RBM33: variants seen among roughly 807,000 people sequenced by gnomAD.
RBM33 encodes RNA-binding protein 33.
A neutral mutation model predicts 132.6 loss-of-function variants in RBM33; 28 were observed. That is an observed-to-expected ratio of 0.21 (90% confidence interval 0.16 to 0.29). The LOEUF (loss-of-function observed/expected upper bound fraction) is 0.29, where lower values mean the gene tolerates loss of function less well. RBM33 is among the 10% of genes least tolerant of loss of function. The pLI, the probability that RBM33 is intolerant of heterozygous loss-of-function variation, is 1.00. For synonymous variants in RBM33, 634 were observed against 593.0 expected (o/e 1.07, Z -1.01); for missense variants, 1,291 against 1,518.5 (o/e 0.85, Z 2.49).
chr7:155,715,143 A>T (rs991982592), intron 8 of RBM33, among the ~76,000 whole-genome samples: 4 of 152,082 alleles, frequency 2.6e-5, no homozygotes, highest in Non-Finnish European at 5.9e-5. Context: ...TGTGGTGCCT[A>T]CGTCTCCTGC....
chr7:155,717,368 C>G (rs1335518269), intron 8 of RBM33, among the ~76,000 whole-genome samples: 2 of 152,162 alleles, frequency 1.3e-5, no homozygotes, highest in Non-Finnish European at 2.9e-5. Flanking sequence ...TCTGTGTGTA[C>G]TGTCTATGTC....
At chr7:155,668,930 G>A (rs1798871501) in intron 2 of RBM33, among the ~76,000 whole-genome samples, 1 of 152,168 alleles carries the variant, frequency 6.6e-6, no homozygotes, top group African/African-American at 2.4e-5. Flanking sequence ...TTTGGCAGCT[G>A]TCTTGCTTTC....
intron 8 of RBM33, among the ~76,000 whole-genome samples, chr7:155,716,469 A>T (rs2116987010): frequency 6.6e-6 from 1 of 152,128 alleles, no homozygotes; most frequent in Admixed American, 6.5e-5. Flanking sequence ...CTGGTTAAAG[A>T]GGCTTAATGT....
chr7:155,684,721 G>T (rs1006189881), intron 5 of RBM33, among the ~76,000 whole-genome samples: 1 of 152,158 alleles, frequency 6.6e-6, no homozygotes, highest in Non-Finnish European at 1.5e-5. Flanking sequence ...ACTTGCTCTG[G>T]TGGCTGGGCC....
At position 155,680,691 on chromosome 7, in the gene RBM33, A is replaced by G. The variant is rs1393880009; in HGVS notation, c.350A>G (p.Glu117Gly). The change falls in exon 5 of 18, where the codon GAG becomes GGG. Residue 117 changes from glutamate (E) to glycine (G), a missense_variant. Glu to Gly is a moderately conservative substitution (Grantham distance 98, BLOSUM62 -2). Coordinates refer to ENST00000401878, the MANE Select transcript of RBM33 (RefSeq NM_053043.3). ...GACCAATCTGGAGAACAGGAATCTG[A>G]GTATGAACAAGAACAAGGAGAGGAT... ...TNDQSGEQES[E>G]YEQEQGEDEL... 6.2e-7 allele frequency: 1 copy of G among 1,612,458 alleles called. No individual in the cohort carries two copies. Among genetic ancestry groups the G allele is most frequent in the Non-Finnish European group, 8.5e-7 (1 of 1,179,300 alleles).
chr7:155,701,731 A>G (rs934222904), intron 6 of RBM33, among the ~76,000 whole-genome samples: 2 of 152,154 alleles, frequency 1.3e-5, no homozygotes, highest in African/African-American at 2.4e-5. Flanking sequence ...TTTGTTGCCT[A>G]AGCTGGAGTA....
intron 9 of RBM33, among the ~76,000 whole-genome samples, chr7:155,720,028 GA>G (rs138163286): frequency 0.013 from 1,979 of 152,266 alleles, 49 homozygotes; most frequent in African/African-American, 0.045. Flanking sequence ...GATAATAAAA[GA>G]ACATTTTTGT....
At chr7:155,763,724 C>A in intron 14 of RBM33, 88 bp from the exon 15 acceptor site, 2 of 1,230,630 alleles carry the variant, frequency 1.6e-6, no homozygotes, top group Non-Finnish European at 2.3e-6. Flanking sequence ...TGTGGGTGAA[C>A]ACTGGCTGAG....
intron 3 of RBM33, among the ~76,000 whole-genome samples, chr7:155,673,940 G>GTTGTTTTTTGTTTTTTT: frequency 9.2e-5 from 5 of 54,214 alleles, no homozygotes; most frequent in African/African-American, 3.3e-4. Context: ...TTTAGGCTTA[G>GTTGTTTTTTGTTTTTTT]TTTTTTTTTT....
At chr7:155,746,067 G>A (rs1420202812) in intron 14 of RBM33, among the ~76,000 whole-genome samples, 2 of 152,214 alleles carry the variant, frequency 1.3e-5, no homozygotes, top group Non-Finnish European at 1.5e-5. Context: ...GCAGAATGTT[G>A]TTATGCGGCA....
intron 3 of RBM33, among the ~76,000 whole-genome samples, chr7:155,674,210 T>C (rs1396313359): frequency 2.0e-5 from 3 of 152,108 alleles, no homozygotes; most frequent in Admixed American, 6.6e-5. Context: ...TCCGTATAAG[T>C]TGAACATGAA....
At position 155,700,546 on chromosome 7, in the gene RBM33, C is replaced by CTTTTTT. The variant is rs529323301; in HGVS notation, c.568-203_568-198dup. Among the ~76,000 whole-genome samples the CTTTTTT allele has an allele frequency of 9.5e-4, 81 of 85,602 alleles. 3 individuals carry two copies. Among genetic ancestry groups the CTTTTTT allele is most frequent in the Non-Finnish European group, 1.5e-3 (64 of 44,014 alleles). The allele number at this position is 85,602 out of a possible 152,430, so 56.2% of individuals were successfully genotyped here. On this transcript the variant is annotated intron_variant, in intron 5 of 17. Transcript: ENST00000401878. ...TATTAATTGCAAGCAAGAATTTGAC[C>CTTTTTT]TTTTTTTTTTTTTTTTTTTTTTTTT...
chr7:155,722,778 C>G (rs1322010364), intron 9 of RBM33, among the ~76,000 whole-genome samples: 1 of 152,024 alleles, frequency 6.6e-6, no homozygotes, highest in African/African-American at 2.4e-5. Flanking sequence ...AAATTTTAAG[C>G]TTATGAAAAA....
At chr7:155,771,851 C>T (rs966091526) in intron 16 of RBM33, among the ~76,000 whole-genome samples, 60 of 151,856 alleles carry the variant, frequency 4.0e-4, no homozygotes, top group African/African-American at 1.4e-3. Flanking sequence ...GGGATCCTTC[C>T]GCCTCAGCCT....
At chr7:155,732,531 T>A (rs1384765484) in intron 9 of RBM33, among the ~76,000 whole-genome samples, 5 of 152,232 alleles carry the variant, frequency 3.3e-5, no homozygotes, top group African/African-American at 1.2e-4. Flanking sequence ...TGTCAGCCCA[T>A]CCGTAGCCGA....
Position 155,737,586 on chromosome 7 carries a change from G to A in RBM33, c.1317G>A (p.Gln439=). The change falls in exon 10 of 18, where the codon CAG becomes CAA. Residue 439 remains glutamine (Q), a synonymous_variant. Coordinates refer to ENST00000401878, the MANE Select transcript of RBM33 (RefSeq NM_053043.3). The stretch of plus-strand genomic sequence containing the variant: ...GACCTGTTCCCAACAGTTTCAGCCA[G>A]CCCCCACGACTCCCTCTCCAGGACC... The part of the protein sequence containing the change: ...TPGPVPNSFS[Q]PPRLPLQDQW... 6.2e-7 allele frequency: 1 copy of A among 1,613,018 alleles called. No individual in the cohort carries two copies. Among genetic ancestry groups the A allele is most frequent in the Non-Finnish European group, 8.5e-7 (1 of 1,179,554 alleles).
intron 14 of RBM33, among the ~76,000 whole-genome samples, chr7:155,760,955 G>A (rs755086059): frequency 6.6e-6 from 1 of 152,194 alleles, no homozygotes; most frequent in Non-Finnish European, 1.5e-5. Flanking sequence ...AGACAGGAGC[G>A]ACTCCCAGTA....
chr7:155,751,930 CCTG>C (rs1253264280), intron 14 of RBM33, among the ~76,000 whole-genome samples: 1 of 152,156 alleles, frequency 6.6e-6, no homozygotes, highest in Non-Finnish European at 1.5e-5. Context: ...CTGTCATGCT[CCTG>C]CTGTGATAAT....
At chr7:155,673,749 T>A (rs1799056611) in intron 3 of RBM33, among the ~76,000 whole-genome samples, 1 of 83,908 alleles carries the variant, frequency 1.2e-5, no homozygotes, top group African/African-American at 4.3e-5. Flanking sequence ...TACACACGTG[T>A]ATATACGCGC....
Sources: gnomAD v4.1 joint callset for allele counts (sites outside exome capture counted in the v4.1 genomes callset) on GRCh38, gnomAD v4.1.1 for gene constraint, MANE v1.5 for transcripts, NCBI Gene and HGNC (gene_info 2026-07-23, HGNC 2026-07-21) for gene names.